The following GRIN3B variants were observed in gnomAD, a reference collection of about 807,000 sequenced individuals.
The protein encoded by GRIN3B is glutamate receptor ionotropic, NMDA 3B.
In GRIN3B, 77 loss-of-function variants were observed where a neutral mutation model predicts 66.0. The observed-to-expected ratio is 1.17, with a 90% CI of 0.97 to 1.41. The LOEUF (loss-of-function observed/expected upper bound fraction) is 1.41. Among genes scored for constraint, GRIN3B ranks in the 40% most tolerant of loss-of-function variants. GRIN3B has a pLI of 0.00. For synonymous variants in GRIN3B, 823 were observed against 749.7 expected (o/e 1.10, Z -1.60); for missense variants, 1,787 against 1,564.5 (o/e 1.14, Z -2.40).
Position 1,004,820 on chromosome 19 carries a change from C to G in GRIN3B, c.1319C>G (p.Pro440Arg), listed in dbSNP as rs745740525. 2 of 1,612,682 alleles carry G rather than the reference C, an allele frequency of 1.2e-6. No homozygotes were observed. Among genetic ancestry groups the G allele is most frequent in the Non-Finnish European group, 1.7e-6 (2 of 1,179,508 alleles). ...ARDPDEDGQCPAGQLCLDPGT... is the reference protein window; with the variant it reads ...ARDPDEDGQCRAGQLCLDPGT... ...GATCCAGACGAAGACGGGCAGTGCCCAGCGGGGCAGCTGTGCCTGGACCCT... is the reference window on the plus strand; with the variant it reads ...GATCCAGACGAAGACGGGCAGTGCCGAGCGGGGCAGCTGTGCCTGGACCCT... The change falls in exon 3 of 9, where the codon CCA becomes CGA. Residue 440 changes from proline to arginine, a missense_variant. Physicochemically the swap from Pro to Arg is moderately radical, Grantham distance 103. Transcript: ENST00000234389.
In GRIN3B at chr19:1,004,863, C is replaced by T. The variant is rs1414181590; in HGVS notation, c.1362C>T (p.Ala454=). Residue 454 remains alanine, a synonymous_variant, in exon 3 of 9, where the codon GCC becomes GCT. Coordinates refer to ENST00000234389, the MANE Select transcript of GRIN3B (RefSeq NM_138690.3). The part of the protein sequence containing the change: ...LCLDPGTNDS[A]TLDALFAALA... ...TGGACCCTGGCACCAACGACTCGGCCACCCTGGACGCACTGTTCGCCGCGC... is the reference window on the plus strand; with the variant it reads ...TGGACCCTGGCACCAACGACTCGGCTACCCTGGACGCACTGTTCGCCGCGC... 2.5e-6 allele frequency: 4 copies of T among 1,610,938 alleles called. No homozygotes were observed. Among genetic ancestry groups the T allele is most frequent in the Middle Eastern group, 1.7e-4 (1 of 6,056 alleles).
intron 1 of GRIN3B, chr19:1,002,790 A>G: frequency 4.1e-6 from 1 of 245,324 alleles, no homozygotes; most frequent in East Asian, 7.5e-5. Context: ...ATAGAGGAGG[A>G]GCAATGTGCT....
chr19:1,005,528 A>C lies in GRIN3B; in HGVS notation c.2027A>C (p.Glu676Ala). 1 of 1,608,608 alleles carries C rather than the reference A, an allele frequency of 6.2e-7. No individual in the cohort carries two copies. The part of the protein sequence containing the change: ...AVMVGDKTFE[E>A]LSGIHDPKLH... ...ATGGTCGGGGACAAGACCTTCGAGGAGCTGTCGGGGATCCACGACCCCAAG... is the reference window on the plus strand; with the variant it reads ...ATGGTCGGGGACAAGACCTTCGAGGCGCTGTCGGGGATCCACGACCCCAAG... Residue 676 changes from glutamate to alanine, a missense_variant, in exon 3 of 9, where the codon GAG becomes GCG. Coordinates refer to ENST00000234389, the MANE Select transcript of GRIN3B (RefSeq NM_138690.3). The surrounding 1 kb of genome is among the most constrained non-coding windows in gnomAD (Gnocchi z 5.2).
chr19:1,000,604 C>T lies in GRIN3B; in HGVS notation c.167C>T (p.Ala56Val), dbSNP rs2038673120. ...CTCGCCCGCGCCCGCGCCCGCGCCG[C>T]CCTGGCCCGGGCCGCCCTGGCGCCG... is the stretch of plus-strand genomic sequence containing the variant. ...APLARARARA[A>V]LARAALAPRL... Residue 56 changes from alanine to valine, a missense_variant, in exon 1 of 9, where the codon GCC (alanine) becomes GTC (valine). By Grantham distance (64) the Ala-to-Val change is moderately conservative. Coordinates refer to ENST00000234389, the MANE Select transcript of GRIN3B (RefSeq NM_138690.3). 9.4e-7 allele frequency: 1 copy of T among 1,068,190 alleles called. No homozygotes were observed. 66.2% of individuals were successfully genotyped at this position (1,068,190 alleles called of 1,614,324 possible).
chr19:1,008,270 G>T lies in GRIN3B; in HGVS notation c.2445G>T (p.Lys815Asn), dbSNP rs761771815. 56 of 1,611,410 alleles carry T rather than the reference G, an allele frequency of 3.5e-5. No homozygotes were observed. The highest frequency in any genetic ancestry group is 4.7e-5 in the Non-Finnish European group (56 of 1,179,280). The change falls in exon 6 of 9, where the codon AAG becomes AAT. Residue 815 changes from lysine to asparagine, a missense_variant. Transcript: ENST00000234389. ...GGTACAAGATGGTGCCTTGCGGCAAGCGGGTCTTTGCGGTTACAGAGGTGG... is the reference window on the plus strand; with the variant it reads ...GGTACAAGATGGTGCCTTGCGGCAATCGGGTCTTTGCGGTTACAGAGGTGG... ...DKWYKMVPCG[K>N]RVFAVTETLQ... is the part of the protein sequence containing the mutation.
rs149631723 is a variant in GRIN3B, at chr19:1,004,718, C to G, written c.1217C>G (p.Pro406Arg). 4 of 1,605,586 alleles carry G rather than the reference C, an allele frequency of 2.5e-6. No individual in the cohort carries two copies. Among genetic ancestry groups the G allele is most frequent in the Non-Finnish European group, 3.4e-6 (4 of 1,175,148 alleles). ...CCGGGAGGTGCCTCTGCACGGCCCC[C>G]GCCCCCACAGGGTGCCCAGGTCTGG... ...LEPGGASARPPPPQGAQVWPK... is the reference protein window; with the variant it reads ...LEPGGASARPRPPQGAQVWPK... The change falls in exon 3 of 9, where the codon CCG becomes CGG. Residue 406 changes from proline to arginine, a missense_variant. Physicochemically the swap from Pro to Arg is moderately radical, Grantham distance 103. Transcript: ENST00000234389.
At position 1,007,106 on chromosome 19, in the gene GRIN3B, G is replaced by C. The variant is rs1021674330; in HGVS notation, c.2053-522G>C. Reference sequence around the variant, plus strand: ...TGGGTTCGACGCTGGGCCCCAACCTGGGTAGGAGCTGTGGAGGGGTGAGCA... The same window carrying C: ...TGGGTTCGACGCTGGGCCCCAACCTCGGTAGGAGCTGTGGAGGGGTGAGCA... On this transcript the variant is annotated intron_variant, in intron 3 of 8. Coordinates refer to ENST00000234389, the MANE Select transcript of GRIN3B (RefSeq NM_138690.3). The surrounding 1 kb of genome is among the most constrained non-coding windows in gnomAD (Gnocchi z 4.4). Among the ~76,000 whole-genome samples the C allele has an allele frequency of 3.3e-5, 5 of 152,318 alleles. No homozygotes were observed. In the East Asian group the frequency reaches 9.6e-4, roughly 29 times the overall value.
rs760810449 is a variant in GRIN3B at position 1,005,560 on chromosome 19, G to A, written c.2052+7G>A. On this transcript the variant is annotated splice_region_variant and intron_variant, in intron 3 of 8. Transcript: ENST00000234389. This position sits in a 1 kb window ranked among gnomAD's most constrained non-coding sequence, Gnocchi z 5.2. ...GGGGATCCACGACCCCAAGGTGGGC[G>A]GCCTCGGGGGGCTGCGGGTGGCCTT... 9 of 1,560,626 alleles carry A rather than the reference G, an allele frequency of 5.8e-6. No homozygotes were observed. The highest frequency in any genetic ancestry group is 1.2e-5 in the South Asian group (1 of 84,308).
Position 1,005,158 on chromosome 19 carries a change from C to G in GRIN3B, c.1657C>G (p.Leu553Val). ...CACCAGCCCCTTCTTCTCCACCAGC[C>G]TGGGCATCATGGTGCGGGCACGGGA... ...DFTSPFFSTS[L>V]GIMVRARDTA... Residue 553 changes from leucine (L) to valine (V), a missense_variant, in exon 3 of 9, where the codon CTG becomes GTG. By Grantham distance (32) the Leu-to-Val change is conservative (BLOSUM62 1). Transcript: ENST00000234389. This position sits in a 1 kb window ranked among gnomAD's most constrained non-coding sequence, Gnocchi z 5.2. The G allele has an allele frequency of 6.2e-7, 1 of 1,613,474 alleles. No individual in the cohort carries two copies.
Position 1,008,644 on chromosome 19 carries a change from C to A in GRIN3B, c.2493C>A (p.Phe831Leu), listed in dbSNP as rs763480684. ...CCCTGCAGATGAGCATCTACCACTT[C>A]GCGGGCCTCTTCGTGTTGCTGTGCC... ...TETLQMSIYH[F>L]AGLFVLLCLG... Residue 831 changes from phenylalanine (F) to leucine (L), a missense_variant, in exon 7 of 9, where the codon TTC becomes TTA. Transcript: ENST00000234389. 1.9e-6 allele frequency: 3 copies of A among 1,601,694 alleles called. No individual in the cohort carries two copies. In the South Asian group the frequency reaches 3.3e-5, roughly 18 times the overall value.
intron 2 of GRIN3B, 96 bp from the exon 3 acceptor site, chr19:1,004,425 G>C: frequency 3.7e-6 from 4 of 1,089,950 alleles, no homozygotes; most frequent in Non-Finnish European, 5.4e-6. Context: ...ATACGGACAA[G>C]AGCGACCAGT....
chr19:1,001,116 C>T (rs1276906786), intron 1 of GRIN3B, among the ~76,000 whole-genome samples: 1 of 152,012 alleles, frequency 6.6e-6, no homozygotes, highest in African/African-American at 2.4e-5. Context: ...AGGGACGCCC[C>T]TGGAACGCCC....
Position 1,005,169 on chromosome 19 carries a change from G to A in GRIN3B, c.1668G>A (p.Met556Ile). ...TCTTCTCCACCAGCCTGGGCATCATGGTGCGGGCACGGGACACGGCCTCAC... is the reference window on the plus strand; with the variant it reads ...TCTTCTCCACCAGCCTGGGCATCATAGTGCGGGCACGGGACACGGCCTCAC... ...SPFFSTSLGI[M>I]VRARDTASPI... The change falls in exon 3 of 9, where the codon ATG becomes ATA. Residue 556 changes from methionine (M) to isoleucine (I), a missense_variant. Coordinates refer to ENST00000234389, the MANE Select transcript of GRIN3B (RefSeq NM_138690.3). The surrounding 1 kb of genome is among the most constrained non-coding windows in gnomAD (Gnocchi z 5.2). 6.2e-7 allele frequency: 1 copy of A among 1,613,544 alleles called. No individual in the cohort carries two copies. The highest frequency in any genetic ancestry group is 8.5e-7 in the Non-Finnish European group (1 of 1,179,976).
At chr19:1,004,499 A>AG in intron 2 of GRIN3B, 22 bp from the exon 3 acceptor site, 78 of 1,526,414 alleles carry the variant, frequency 5.1e-5, no homozygotes, top group Non-Finnish European at 5.9e-5. Context: ...GACACCTGAC[A>AG]CCCCCCCCGC....
At position 1,000,441 on chromosome 19, in the gene GRIN3B, G is replaced by T. The variant is rs572944531; in HGVS notation, c.4G>T (p.Glu2Ter). The T allele has an allele frequency of 4.6e-5, 56 of 1,214,144 alleles. 1 individual carries two copies. In the East Asian group the frequency reaches 1.9e-3, roughly 40 times the overall value. The allele number at this position is 1,214,144 out of a possible 1,614,324, so 75.2% of individuals were successfully genotyped here. A position where few individuals can be genotyped will look rare whatever the true frequency, so the allele number is the denominator to read the frequency against. Residue 2 changes from glutamate to a stop codon, truncating the protein, a stop_gained, in exon 1 of 9, where the codon GAG becomes TAG. Transcript: ENST00000234389. LOFTEE classifies it high-confidence loss of function. ...GAGCGACGCCGACAACTTTGCGATGGAGTTTGTGCGGGCGCTGTGGCTGGG... is the reference window on the plus strand; with the variant it reads ...GAGCGACGCCGACAACTTTGCGATGTAGTTTGTGCGGGCGCTGTGGCTGGG... M[E>*]FVRALWLGLA... is the part of the protein sequence containing the mutation.
chr19:1,002,875 A>AC, intron 1 of GRIN3B: 1 of 300,184 alleles, frequency 3.3e-6, no homozygotes, highest in Non-Finnish European at 6.2e-6. Flanking sequence ...TGGCACATGC[A>AC]AAAAAAAAAC....
At position 1,005,028 on chromosome 19, in the gene GRIN3B, G is replaced by A. The variant is rs1337983544; in HGVS notation, c.1527G>A (p.Arg509=). The change falls in exon 3 of 9, where the codon CGG becomes CGA. Residue 509 remains arginine (R), a synonymous_variant. Coordinates refer to ENST00000234389, the MANE Select transcript of GRIN3B (RefSeq NM_138690.3). This position sits in a 1 kb window ranked among gnomAD's most constrained non-coding sequence, Gnocchi z 5.2. The part of the protein sequence containing the change: ...LVGDGKYGAL[R]DGRWTGLVGD... The stretch of plus-strand genomic sequence containing the variant: ...GTGACGGCAAGTACGGCGCCCTGCG[G>A]GACGGCCGCTGGACCGGCCTGGTCG... 6.2e-7 allele frequency: 1 copy of A among 1,611,956 alleles called. No homozygotes were observed. The highest frequency in any genetic ancestry group is 1.1e-5 in the South Asian group (1 of 91,004).
Position 1,008,793 on chromosome 19 carries a change from G to A in GRIN3B, c.2631+11G>A. The A allele has an allele frequency of 6.3e-7, 1 of 1,583,530 alleles. No homozygotes were observed. Among genetic ancestry groups the A allele is most frequent in the Non-Finnish European group, 8.5e-7 (1 of 1,172,654 alleles). On this transcript the variant is annotated intron_variant, in intron 7 of 8. Transcript: ENST00000234389. ...CTGCACACCAGCCAGGTGGGGAGCGGGTGGGCGGCGGGCGGCCCCACCCCC... is the reference window on the plus strand; with the variant it reads ...CTGCACACCAGCCAGGTGGGGAGCGAGTGGGCGGCGGGCGGCCCCACCCCC...
chr19:1,002,615 A>G (rs1192820402), intron 1 of GRIN3B: 5 of 153,358 alleles, frequency 3.3e-5, no homozygotes, highest in Non-Finnish European at 7.3e-5. Context: ...GCACAAGGCC[A>G]TCGGTGGGCT....
Sources: allele counts gnomAD v4.1 joint callset (sites outside exome capture counted in the v4.1 genomes callset), GRCh38; gene constraint gnomAD v4.1.1; non-coding constraint Gnocchi (gnomAD v3.1); transcripts MANE v1.5; gene names NCBI Gene and HGNC (gene_info 2026-07-23, HGNC 2026-07-21).